Variants in TACC1 observed in about 807,000 individuals in gnomAD.
TACC1 encodes transforming acidic coiled-coil containing protein 1, also known as transforming acidic coiled-coil-containing protein 1.
TACC1 carries 48 observed loss-of-function variants against 84.4 expected under a neutral mutation model. That is an observed-to-expected ratio of 0.57 (90% CI 0.45 to 0.72). The LOEUF is 0.72. Among genes scored for constraint, TACC1 ranks in the 30% least tolerant of loss-of-function variants. The pLI is 0.00. For synonymous variants in TACC1, 372 were observed against 376.3 expected (o/e 0.99, Z 0.13); for missense variants, 920 against 973.0 (o/e 0.95, Z 0.72).
chr8:38,810,907 A>C (rs1823949962), intron 2 of TACC1, among the ~76,000 whole-genome samples: 1 of 152,160 alleles, frequency 6.6e-6, no homozygotes, highest in South Asian at 2.1e-4. Context: ...ATGTGGGCCC[A>C]GGAGTTTGAG....
intron 3 of TACC1, among the ~76,000 whole-genome samples, chr8:38,762,892 A>T (rs1424553777): frequency 6.6e-6 from 1 of 152,118 alleles, no homozygotes; most frequent in Non-Finnish European, 1.5e-5. Flanking sequence ...AAGCATCGTT[A>T]TACAAGTACG....
Position 38,848,076 on chromosome 8 carries a change from C to A in TACC1, c.*53C>A. 6.6e-7 allele frequency: 1 copy of A among 1,526,550 alleles called. No individual in the cohort carries two copies. Among genetic ancestry groups the A allele is most frequent in the South Asian group, 1.2e-5 (1 of 85,898 alleles). 94.6% of individuals were successfully genotyped at this position (1,526,550 alleles called of 1,614,324 possible). The stretch of plus-strand genomic sequence containing the variant: ...CTGCATTTGGCTGCTTCTCTTGTGA[C>A]CACAATTATCTTGCCTTATCCAGGA... On this transcript the variant is annotated 3_prime_UTR_variant, in exon 13 of 13. Transcript: ENST00000317827.
chr8:38,756,013 C>T (rs1490876886), intron 3 of TACC1, among the ~76,000 whole-genome samples: 1 of 151,812 alleles, frequency 6.6e-6, no homozygotes, highest in African/African-American at 2.4e-5. Context: ...CGGGGTTTCA[C>T]CATGTTAGTC....
intron 1 of TACC1, among the ~76,000 whole-genome samples, chr8:38,740,274 C>A (rs1027300088): frequency 9.2e-5 from 14 of 152,202 alleles, no homozygotes; most frequent in African/African-American, 3.4e-4. Flanking sequence ...GGTGATCCAG[C>A]CATTCCATTC....
chr8:38,772,859 A>G (rs1046382315), intron 3 of TACC1, among the ~76,000 whole-genome samples: 1 of 152,000 alleles, frequency 6.6e-6, no homozygotes, highest in Admixed American at 6.6e-5. Context: ...TTTATGTATT[A>G]ATATAAATAA....
At chr8:38,800,121 A>T (rs1821009303) in intron 2 of TACC1, among the ~76,000 whole-genome samples, 2 of 152,226 alleles carry the variant, frequency 1.3e-5, no homozygotes, top group African/African-American at 4.8e-5. Context: ...TAATCGCCCC[A>T]CTGTACTCCA....
intron 2 of TACC1, among the ~76,000 whole-genome samples, chr8:38,815,478 G>A (rs1252045808): frequency 6.6e-6 from 1 of 152,052 alleles, no homozygotes; most frequent in East Asian, 1.9e-4. Context: ...GGAGTGCAGT[G>A]GTGCGATCTC....
intron 1 of TACC1, 57 bp from the exon 2 acceptor site, chr8:38,788,647 A>G (rs975984011): frequency 3.6e-5 from 48 of 1,328,754 alleles, no homozygotes; most frequent in Non-Finnish European, 4.7e-5. Context: ...TGTAGATTTC[A>G]AAGGGTGTCG....
intron 2 of TACC1, chr8:38,800,036 C>T (rs1563589086): frequency 6.6e-6 from 1 of 152,252 alleles, no homozygotes; most frequent in African/African-American, 2.4e-5. Flanking sequence ...TGGCTTGTGC[C>T]TTTAGTCCCA....
At chr8:38,787,876 C>G in intron 1 of TACC1, 133 bp downstream of exon 1, 1 of 897,340 alleles carries the variant, frequency 1.1e-6, no homozygotes, top group Non-Finnish European at 1.6e-6. Flanking sequence ...TGCCCGGAGC[C>G]GGGTCCCCGT....
At chr8:38,780,045 G>C (rs1429552867) in intron 3 of TACC1, among the ~76,000 whole-genome samples, 1 of 152,158 alleles carries the variant, frequency 6.6e-6, no homozygotes, top group Admixed American at 6.5e-5. Context: ...CTTTTAACTT[G>C]AAGGCACACA....
chr8:38,844,590 CT>C (rs1219806822), intron 11 of TACC1, among the ~76,000 whole-genome samples: 1 of 152,164 alleles, frequency 6.6e-6, no homozygotes, highest in East Asian at 1.9e-4. Context: ...TTACTCTATT[CT>C]TTGCCCATTT....
At chr8:38,777,053 C>T (rs1465832412) in intron 3 of TACC1, among the ~76,000 whole-genome samples, 1 of 152,034 alleles carries the variant, frequency 6.6e-6, no homozygotes, top group Non-Finnish European at 1.5e-5. Flanking sequence ...GTCAGGAGTT[C>T]GATACCAGCC....
At chr8:38,831,199 G>T (rs1382306291) in intron 6 of TACC1, 22 bp downstream of exon 6, 2 of 1,613,752 alleles carry the variant, frequency 1.2e-6, no homozygotes, top group South Asian at 1.1e-5. Context: ...AATGTGGAGG[G>T]CCGGGTGGAC....
At chr8:38,815,514 G>A (rs1825226048) in intron 2 of TACC1, among the ~76,000 whole-genome samples, 2 of 152,076 alleles carry the variant, frequency 1.3e-5, no homozygotes, top group South Asian at 4.1e-4. Flanking sequence ...CTGCCTCCCA[G>A]GTTCAAGCGA....
intron 3 of TACC1, among the ~76,000 whole-genome samples, chr8:38,760,738 T>C (rs541396566): frequency 1.3e-5 from 2 of 152,120 alleles, no homozygotes; most frequent in African/African-American, 4.8e-5. Context: ...GCCAGGCTGG[T>C]CTCGAACTCC....
intron 2 of TACC1, among the ~76,000 whole-genome samples, chr8:38,799,238 A>G (rs1475864255): frequency 6.6e-6 from 1 of 152,234 alleles, no homozygotes; most frequent in Non-Finnish European, 1.5e-5. Context: ...GCCATCCCCC[A>G]GCCGTTAGCC....
intron 2 of TACC1, among the ~76,000 whole-genome samples, chr8:38,813,205 T>TC (rs1824635290): frequency 1.3e-5 from 2 of 152,242 alleles, no homozygotes; most frequent in South Asian, 4.2e-4. Context: ...TCTAAGGACG[T>TC]CCATTTTTGT....
intron 3 of TACC1, among the ~76,000 whole-genome samples, chr8:38,820,950 A>T (rs1356293389): frequency 6.6e-6 from 1 of 152,138 alleles, no homozygotes; most frequent in African/African-American, 2.4e-5. Flanking sequence ...TCACACCTGT[A>T]ATCCCAGCAC....
Sources: allele counts gnomAD v4.1 joint callset (sites outside exome capture counted in the v4.1 genomes callset), GRCh38; gene constraint gnomAD v4.1.1; transcripts MANE v1.5; gene names NCBI Gene and HGNC (gene_info 2026-07-23, HGNC 2026-07-21).